Variants in PPP2R2B observed in about 807,000 individuals in gnomAD.
PPP2R2B encodes the protein protein phosphatase 2 regulatory subunit Bbeta.
In PPP2R2B, 5 loss-of-function variants were observed where a neutral mutation model predicts 46.0. That is an observed-to-expected ratio of 0.11 (90% confidence interval 0.06 to 0.23). The LOEUF (loss-of-function observed/expected upper bound fraction) is 0.23, where lower values mean the gene tolerates loss of function less well. Ranked by LOEUF, PPP2R2B falls within the 10% of genes least tolerant of loss-of-function variation. PPP2R2B has a pLI of 1.00. For missense variants in PPP2R2B, 367 were observed against 575.0 expected, an observed-to-expected ratio of 0.64 and a Z score of 3.70; for synonymous variants, 215 against 206.7, an observed-to-expected ratio of 1.04 and a Z score of -0.34.
intron 1 of PPP2R2B, among the ~76,000 whole-genome samples, chr5:147,003,684 G>C (rs1034840301): frequency 1.3e-5 from 2 of 152,126 alleles, no homozygotes; most frequent in African/African-American, 2.4e-5. Flanking sequence ...TCCCCACTGG[G>C]ACCTCGACTC....
At chr5:146,908,194 G>T (rs1236981427) in intron 1 of PPP2R2B, among the ~76,000 whole-genome samples, 1 of 152,164 alleles carries the variant, frequency 6.6e-6, no homozygotes, top group Non-Finnish European at 1.5e-5. Flanking sequence ...AAACACTTCT[G>T]TGATACACCA....
chr5:146,780,413 T>A (rs1399407497), intron 2 of PPP2R2B, among the ~76,000 whole-genome samples: 1 of 152,226 alleles, frequency 6.6e-6, no homozygotes, highest in African/African-American at 2.4e-5. Flanking sequence ...AATGCCTCCA[T>A]CCAGGCCCTG....
chr5:146,826,280 T>C (rs2151340960), intron 2 of PPP2R2B, among the ~76,000 whole-genome samples: 1 of 152,282 alleles, frequency 6.6e-6, no homozygotes, highest in East Asian at 1.9e-4. Flanking sequence ...GAATTCAAAT[T>C]CTCAACCATC....
At chr5:146,662,549 C>T (rs900553580) in intron 5 of PPP2R2B, among the ~76,000 whole-genome samples, 49 of 152,120 alleles carry the variant, frequency 3.2e-4, no homozygotes, top group African/African-American at 1.2e-3. Context: ...AAGACTCTCA[C>T]AAGATGCTGG....
intron 2 of PPP2R2B, among the ~76,000 whole-genome samples, chr5:146,752,500 C>T (rs1421870077): frequency 2.0e-5 from 3 of 152,096 alleles, no homozygotes; most frequent in Non-Finnish European, 4.4e-5. Context: ...ATCCGGATTC[C>T]CCACTGAAAT....
chr5:146,804,643 G>A (rs2151309619), intron 2 of PPP2R2B, among the ~76,000 whole-genome samples: 1 of 152,224 alleles, frequency 6.6e-6, no homozygotes, highest in Non-Finnish European at 1.5e-5. Context: ...GCAATGAGGA[G>A]TCCCTTAGAA....
At chr5:146,893,227 A>G (rs1762543334) in intron 1 of PPP2R2B, among the ~76,000 whole-genome samples, 1 of 152,206 alleles carries the variant, frequency 6.6e-6, no homozygotes, top group Non-Finnish European at 1.5e-5. Context: ...TAACACCTCT[A>G]AAGAACTTCA....
At chr5:146,699,725 A>G (rs1383674630) in intron 3 of PPP2R2B, among the ~76,000 whole-genome samples, 1 of 149,722 alleles carries the variant, frequency 6.7e-6, no homozygotes, top group Non-Finnish European at 1.5e-5. Context: ...TGAGTGTTCA[A>G]AAGACTTTAA....
chr5:146,743,958 G>C (rs371909113), intron 2 of PPP2R2B, among the ~76,000 whole-genome samples: 10 of 152,284 alleles, frequency 6.6e-5, no homozygotes, highest in South Asian at 4.1e-4. Context: ...CCCACTGAGA[G>C]AGAATCACAG....
intron 1 of PPP2R2B, among the ~76,000 whole-genome samples, chr5:146,916,766 T>A (rs1034290266): frequency 6.6e-6 from 1 of 152,142 alleles, no homozygotes; most frequent in Non-Finnish European, 1.5e-5. Context: ...GTAGTTTCAA[T>A]TTTGTGACTT....
intron 6 of PPP2R2B, among the ~76,000 whole-genome samples, chr5:146,641,451 T>C (rs538225152): frequency 6.6e-6 from 1 of 151,748 alleles, no homozygotes; most frequent in Non-Finnish European, 1.5e-5. Flanking sequence ...TTAATTTACC[T>C]ACCACTTTGG....
intron 1 of PPP2R2B, among the ~76,000 whole-genome samples, chr5:146,977,439 G>T (rs531588598): frequency 6.6e-6 from 1 of 151,704 alleles, no homozygotes; most frequent in African/African-American, 2.4e-5. Context: ...GGTTTATTAC[G>T]TAGGTATACA....
At chr5:147,071,548 A>G (rs1757599449) in intron 2 of PPP2R2B, among the ~76,000 whole-genome samples, 2 of 152,114 alleles carry the variant, frequency 1.3e-5, no homozygotes, top group African/African-American at 4.8e-5. Flanking sequence ...CCAGTCCTTA[A>G]ACATACCAGA....
intron 5 of PPP2R2B, among the ~76,000 whole-genome samples, chr5:146,667,962 T>C (rs1481652608): frequency 1.3e-5 from 2 of 152,194 alleles, no homozygotes; most frequent in African/African-American, 2.4e-5. Flanking sequence ...AGCCCTGTAA[T>C]TGGGTCTCAT....
In PPP2R2B at chr5:147,067,121, A is replaced by G. The variant is rs911012455; in HGVS notation, c.50+13938T>C. Among the ~76,000 whole-genome samples the G allele has an allele frequency of 2.0e-5, 3 of 152,194 alleles. No homozygotes were observed. The East Asian group carries it at 5.8e-4, about 29-fold the overall frequency. ...ACATGGTGTTTAAAAATATGTACAC[A>G]TTTTGAATGGCTAAGTTAATTAACA... is the stretch of plus-strand genomic sequence containing the variant. On this transcript the variant is annotated intron_variant, in intron 2 of 10. Transcript: ENST00000394413.
chr5:146,694,115 G>A (rs1779040003), intron 4 of PPP2R2B, among the ~76,000 whole-genome samples: 1 of 152,168 alleles, frequency 6.6e-6, no homozygotes, highest in Non-Finnish European at 1.5e-5. Context: ...GTTCTTGGAG[G>A]TCTTAATGAA....
intron 2 of PPP2R2B, among the ~76,000 whole-genome samples, chr5:146,829,138 C>T (rs1758763104): frequency 6.6e-6 from 1 of 152,124 alleles, no homozygotes; most frequent in African/African-American, 2.4e-5. Flanking sequence ...GAAAATTATA[C>T]TGCAAGACAA....
intron 2 of PPP2R2B, among the ~76,000 whole-genome samples, chr5:146,875,911 G>A (rs1371679438): frequency 6.6e-6 from 1 of 152,168 alleles, no homozygotes; most frequent in Non-Finnish European, 1.5e-5. Flanking sequence ...CAACAAAATT[G>A]CATGAATCTT....
At chr5:146,655,001 C>A (rs1408800317) in intron 5 of PPP2R2B, among the ~76,000 whole-genome samples, 1 of 152,210 alleles carries the variant, frequency 6.6e-6, no homozygotes, top group Admixed American at 6.5e-5. Context: ...AAGGCGGAGA[C>A]AAGGGATGTG....
Sources: allele counts gnomAD v4.1 joint callset (sites outside exome capture counted in the v4.1 genomes callset), GRCh38; gene constraint gnomAD v4.1.1; transcripts MANE v1.5; gene names NCBI Gene and HGNC (gene_info 2026-07-23, HGNC 2026-07-21).